Variants in SLC9A9 observed in about 807,000 individuals in gnomAD.
The protein encoded by SLC9A9 is sodium/hydrogen exchanger 9.
Under a neutral mutation model 77.8 loss-of-function variants are expected in SLC9A9, and 62 were observed. The ratio of observed to expected loss-of-function variants is 0.80; its 90% confidence interval spans 0.65 to 0.98. SLC9A9 has a LOEUF of 0.98. Ranked by LOEUF, SLC9A9 falls within the 50% of genes least tolerant of loss-of-function variation. The pLI is 0.00. For synonymous variants in SLC9A9, 320 were observed against 283.5 expected, an observed-to-expected ratio of 1.13 and a Z score of -1.29; for missense variants, 775 against 774.9, an observed-to-expected ratio of 1.00 and a Z score of 0.00.
At chr3:143,810,398 G>C (rs2008832304) in intron 2 of SLC9A9, among the ~76,000 whole-genome samples, 1 of 152,198 alleles carries the variant, frequency 6.6e-6, no homozygotes, top group South Asian at 2.1e-4. Context: ...ATCCTAGTGA[G>C]GGATTGTGAT....
chr3:143,573,568 T>C (rs985667374), intron 8 of SLC9A9, among the ~76,000 whole-genome samples: 1 of 152,186 alleles, frequency 6.6e-6, no homozygotes, highest in African/African-American at 2.4e-5. Flanking sequence ...ATAGACTTTC[T>C]GTGGTAAGAG....
At chr3:143,607,211 AT>A (rs1463002448) in intron 6 of SLC9A9, among the ~76,000 whole-genome samples, 1 of 152,130 alleles carries the variant, frequency 6.6e-6, no homozygotes, top group African/African-American at 2.4e-5. Flanking sequence ...GACAAAATAG[AT>A]TTTTAAGCAA....
At chr3:143,839,686 A>G (rs1007899634) in intron 1 of SLC9A9, among the ~76,000 whole-genome samples, 2 of 152,218 alleles carry the variant, frequency 1.3e-5, no homozygotes, top group African/African-American at 4.8e-5. Context: ...AGTATAATAG[A>G]TAACTTTTCT....
intron 9 of SLC9A9, among the ~76,000 whole-genome samples, chr3:143,526,166 T>C (rs9821051): frequency 0.51 from 78,206 of 152,132 alleles, 20,211 homozygotes; most frequent in Middle Eastern, 0.69. Flanking sequence ...CAGGGGAAGC[T>C]AAACCCTCAA....
intron 4 of SLC9A9, among the ~76,000 whole-genome samples, chr3:143,748,992 C>T (rs574620396): frequency 7.8e-4 from 118 of 152,224 alleles, no homozygotes; most frequent in Non-Finnish European, 1.4e-3. Flanking sequence ...CGTGAGCCAC[C>T]GCGCCCGGCC....
At chr3:143,615,476 T>C (rs1217144216) in intron 6 of SLC9A9, among the ~76,000 whole-genome samples, 1 of 152,134 alleles carries the variant, frequency 6.6e-6, no homozygotes, top group East Asian at 1.9e-4. Context: ...CTTATGCCAC[T>C]TGCTCCTCCT....
intron 12 of SLC9A9, among the ~76,000 whole-genome samples, chr3:143,464,757 G>T (rs185112474): frequency 5.9e-5 from 9 of 152,314 alleles, no homozygotes; most frequent in African/African-American, 2.2e-4. Context: ...AGAAACTTGG[G>T]CTGGGGCTTA....
At chr3:143,275,561 C>T (rs1355389561) in intron 14 of SLC9A9, among the ~76,000 whole-genome samples, 1 of 151,906 alleles carries the variant, frequency 6.6e-6, no homozygotes, top group African/African-American at 2.4e-5. Context: ...TTTTTTTCTT[C>T]CCCTTCACCT....
Position 143,633,146 on chromosome 3 carries a change from G to A in SLC9A9, c.755+19109C>T, listed in dbSNP as rs146723584. Among the ~76,000 whole-genome samples the A allele has an allele frequency of 3.0e-3, 463 of 152,048 alleles. 1 individual carries two copies. The highest frequency in any genetic ancestry group is 0.014 in the East Asian group (74 of 5,182). ...AGATAGAGACCTACCAACAATAAACGGCCAACTCTTATGCTAGTTATAGGT... is the reference window on the plus strand; with the variant it reads ...AGATAGAGACCTACCAACAATAAACAGCCAACTCTTATGCTAGTTATAGGT... On this transcript the variant is annotated intron_variant, in intron 6 of 15. Coordinates refer to ENST00000316549, the MANE Select transcript of SLC9A9 (RefSeq NM_173653.4).
At chr3:143,668,693 G>T (rs2039111705) in intron 5 of SLC9A9, among the ~76,000 whole-genome samples, 1 of 152,146 alleles carries the variant, frequency 6.6e-6, no homozygotes, top group South Asian at 2.1e-4. Context: ...CTGAATAAAT[G>T]AATTAACAAG....
At chr3:143,707,578 T>A (rs1228279089) in intron 4 of SLC9A9, among the ~76,000 whole-genome samples, 1 of 152,160 alleles carries the variant, frequency 6.6e-6, no homozygotes, top group Non-Finnish European at 1.5e-5. Flanking sequence ...ATGTTCATTG[T>A]TCCTGATAAA....
chr3:143,693,308 C>T lies in SLC9A9; in HGVS notation c.534-1G>A. 6.2e-7 allele frequency: 1 copy of T among 1,610,118 alleles called. No individual in the cohort carries two copies. Among genetic ancestry groups the T allele is most frequent in the Non-Finnish European group, 8.5e-7 (1 of 1,176,714 alleles). ...CTTCACAAAACCATACATAATTAAC[C>T]TGTTGAAGAGAAAAACATGACCTTC... On this transcript the variant is annotated splice_acceptor_variant, in intron 4 of 15. Transcript: ENST00000316549. LOFTEE classifies it high-confidence loss of function.
At chr3:143,513,937 A>T (rs1694254537) in intron 9 of SLC9A9, among the ~76,000 whole-genome samples, 1 of 152,182 alleles carries the variant, frequency 6.6e-6, no homozygotes, top group African/African-American at 2.4e-5. Context: ...TGCACCCATT[A>T]ACTGATATAC....
intron 12 of SLC9A9, among the ~76,000 whole-genome samples, chr3:143,393,191 TG>T (rs910556439): frequency 6.6e-6 from 1 of 152,146 alleles, no homozygotes; most frequent in African/African-American, 2.4e-5. Context: ...ACCACATAGT[TG>T]GAAGTAAAGC....
At chr3:143,481,353 A>C (rs1433333434) in intron 11 of SLC9A9, among the ~76,000 whole-genome samples, 1 of 152,216 alleles carries the variant, frequency 6.6e-6, no homozygotes, top group African/African-American at 2.4e-5. Flanking sequence ...AATGAAACAA[A>C]TAAAGTGAGT....
intron 14 of SLC9A9, among the ~76,000 whole-genome samples, chr3:143,294,973 A>G (rs2030183862): frequency 6.6e-6 from 1 of 152,234 alleles, no homozygotes; most frequent in Non-Finnish European, 1.5e-5. Flanking sequence ...AAGATCACTG[A>G]GGGTCCTAAA....
Position 143,402,569 on chromosome 3 carries a change from G to T in SLC9A9, c.1470-20455C>A, listed in dbSNP as rs2033887660. On this transcript the variant is annotated intron_variant, in intron 12 of 15. Coordinates refer to ENST00000316549, the MANE Select transcript of SLC9A9 (RefSeq NM_173653.4). The stretch of plus-strand genomic sequence containing the variant: ...GTTGAGTGCATCTATGTTTATAATG[G>T]TTATATATTCCAAATGAATTAACCC... Among the ~76,000 whole-genome samples, 4 of 150,772 alleles carry T rather than the reference G, an allele frequency of 2.7e-5. No homozygotes were observed. The South Asian group carries it at 6.3e-4, about 24-fold the overall frequency.
chr3:143,423,245 G>A (rs1020763860), intron 12 of SLC9A9, among the ~76,000 whole-genome samples: 10 of 93,804 alleles, frequency 1.1e-4, no homozygotes, highest in Admixed American at 5.0e-4. Context: ...ACACACGCGC[G>A]TGTACACACA....
At chr3:143,367,530 G>C (rs970338162) in intron 13 of SLC9A9, among the ~76,000 whole-genome samples, 1 of 152,222 alleles carries the variant, frequency 6.6e-6, no homozygotes, top group Non-Finnish European at 1.5e-5. Context: ...TAAATGAGTA[G>C]AAATAAATGA....
Sources: allele counts gnomAD v4.1 joint callset (sites outside exome capture counted in the v4.1 genomes callset), GRCh38; gene constraint gnomAD v4.1.1; transcripts MANE v1.5; gene names NCBI Gene and HGNC (gene_info 2026-07-23, HGNC 2026-07-21).